The following TRAPPC9 variants were observed in gnomAD, a reference collection of about 807,000 sequenced individuals.
The protein encoded by TRAPPC9 is IKK2 binding protein.
TRAPPC9 carries 83 observed loss-of-function variants against 124.0 expected under a neutral mutation model. That is an observed-to-expected ratio of 0.67 (90% CI 0.56 to 0.80). TRAPPC9 has a LOEUF of 0.80. TRAPPC9 is among the 30% of genes least tolerant of loss of function. TRAPPC9 has a pLI of 0.00. For synonymous variants in TRAPPC9, 638 were observed against 617.5 expected (o/e 1.03, Z -0.49); for missense variants, 1,302 against 1,508.3 (o/e 0.86, Z 2.27).
intron 17 of TRAPPC9, among the ~76,000 whole-genome samples, chr8:140,220,138 A>C (rs62529310): frequency 0.04 from 6,108 of 152,284 alleles, 225 homozygotes; most frequent in African/African-American, 0.1. Context: ...GGCAAGTTGC[A>C]AAACTGATGG....
chr8:139,964,420 C>G (rs1443408445), intron 19 of TRAPPC9, among the ~76,000 whole-genome samples: 1 of 152,024 alleles, frequency 6.6e-6, no homozygotes, highest in Admixed American at 6.6e-5. Flanking sequence ...TAACTCAACA[C>G]TCTCTAAGAA....
Position 140,410,141 on chromosome 8 carries a change from CAAAAAAAAAA to C in TRAPPC9, c.887-4453_887-4444del, listed in dbSNP as rs61149910. 4.2e-3 allele frequency among the ~76,000 whole-genome samples: 297 copies of C among 70,222 alleles called. 3 individuals carry two copies. The highest frequency in any genetic ancestry group is 5.9e-3 in the Middle Eastern group (1 of 170). The allele number at this position is 70,222 out of a possible 152,430, so 46.1% of individuals were successfully genotyped here. On this transcript the variant is annotated intron_variant, in intron 5 of 22. Transcript: ENST00000438773. Reference sequence around the variant, plus strand: ...GGGTGAGGGCATGAGACCTTGTCTCCAAAAAAAAAAAAAAAAAAAAAAAAAAAATAGGAGA... The same window carrying C: ...GGGTGAGGGCATGAGACCTTGTCTCCAAAAAAAAAAAAAAAAAATAGGAGA...
Position 140,397,625 on chromosome 8 carries a change from G to A in TRAPPC9, c.1129C>T (p.Arg377Ter), listed in dbSNP as rs267607136. ...ACAGGTAGACATACACTCACCTGTC[G>A]AAGGTTAATGTAAACTGCATTCTGA... Reference protein sequence around the residue: ...FLQNAVYINLRQLSEEEKIQR... With the variant: ...FLQNAVYINL Residue 377 changes from arginine to a stop codon, truncating the protein, a stop_gained, in exon 7 of 23, where the codon CGA (arginine) becomes TGA (stop). Transcript: ENST00000438773. LOFTEE classifies it high-confidence loss of function. 8 of 1,613,898 alleles carry A rather than the reference G, an allele frequency of 5.0e-6. No homozygotes were observed. Among genetic ancestry groups the A allele is most frequent in the Middle Eastern group, 1.7e-4 (1 of 6,042 alleles).
At chr8:139,888,228 C>T (rs915902037) in intron 20 of TRAPPC9, among the ~76,000 whole-genome samples, 5 of 152,242 alleles carry the variant, frequency 3.3e-5, no homozygotes, top group South Asian at 2.1e-4. Context: ...CTCCTGCCCT[C>T]ACTGGCTCTG....
chr8:140,299,413 G>T (rs757045891), intron 11 of TRAPPC9, among the ~76,000 whole-genome samples: 1 of 152,196 alleles, frequency 6.6e-6, no homozygotes, highest in African/African-American at 2.4e-5. Flanking sequence ...AAAAGGAGCC[G>T]GAATGCCTTC....
At chr8:140,403,035 T>C (rs2069336738) in intron 6 of TRAPPC9, among the ~76,000 whole-genome samples, 1 of 152,232 alleles carries the variant, frequency 6.6e-6, no homozygotes. Flanking sequence ...TATCTCAGCT[T>C]ATCTTAACTA....
At position 140,210,580 on chromosome 8, in the gene TRAPPC9, C is replaced by CT. The variant is rs369275238; in HGVS notation, c.2556+10878dup. 6.4e-4 allele frequency among the ~76,000 whole-genome samples: 97 copies of CT among 152,266 alleles called. 1 individual carries two copies. The South Asian group carries it at 0.016, about 25-fold the overall frequency. ...TTCATCTCCCTCCCTTGCCTAAGCC[C>CT]TTTCTCTCCTGGATTCCCTGTACCC... On this transcript the variant is annotated intron_variant, in intron 17 of 22. Coordinates refer to ENST00000438773, the MANE Select transcript of TRAPPC9 (RefSeq NM_001160372.4).
intron 2 of TRAPPC9, among the ~76,000 whole-genome samples, chr8:140,445,033 TGTCTCTCTA>T (rs1002220119): frequency 6.6e-6 from 1 of 152,144 alleles, no homozygotes; most frequent in African/African-American, 2.4e-5. Flanking sequence ...AACAACCATG[TGTCTCTCTA>T]GTCCACCTCC....
intron 17 of TRAPPC9, among the ~76,000 whole-genome samples, chr8:140,119,569 T>A (rs1377422788): frequency 6.6e-6 from 1 of 152,238 alleles, no homozygotes; most frequent in Non-Finnish European, 1.5e-5. Context: ...AAGATGAATG[T>A]AATCCCTTAA....
At chr8:139,854,134 C>T (rs1315271564) in intron 21 of TRAPPC9, among the ~76,000 whole-genome samples, 1 of 152,170 alleles carries the variant, frequency 6.6e-6, no homozygotes, top group Non-Finnish European at 1.5e-5. Context: ...TCATCACTCT[C>T]TATCTGATTA....
chr8:140,142,775 C>G (rs1254964249), intron 17 of TRAPPC9, among the ~76,000 whole-genome samples: 1 of 152,162 alleles, frequency 6.6e-6, no homozygotes, highest in Non-Finnish European at 1.5e-5. Context: ...GTTTACTGGC[C>G]TAAATAAATT....
chr8:139,956,391 G>C (rs1350618633), intron 19 of TRAPPC9, among the ~76,000 whole-genome samples: 4 of 152,060 alleles, frequency 2.6e-5, no homozygotes, highest in African/African-American at 9.7e-5. Flanking sequence ...TCAAACTCTT[G>C]ACCTTGTGAT....
intron 18 of TRAPPC9, among the ~76,000 whole-genome samples, chr8:140,010,014 T>C (rs1181853755): frequency 2.0e-5 from 3 of 152,228 alleles, no homozygotes. Context: ...CTGTACTCTA[T>C]ACCAAGAATT....
chr8:140,315,073 C>T (rs753530266), intron 9 of TRAPPC9, among the ~76,000 whole-genome samples: 1 of 152,092 alleles, frequency 6.6e-6, no homozygotes, highest in Non-Finnish European at 1.5e-5. Flanking sequence ...GTAAAGAACC[C>T]CTTTTCTTCA....
At chr8:140,308,936 G>A (rs532143520) in intron 10 of TRAPPC9, among the ~76,000 whole-genome samples, 1 of 152,102 alleles carries the variant, frequency 6.6e-6, no homozygotes, top group African/African-American at 2.4e-5. Flanking sequence ...AAGAACAATG[G>A]CACCAGGATG....
At chr8:140,017,633 A>G (rs1260216919) in intron 18 of TRAPPC9, among the ~76,000 whole-genome samples, 1 of 152,116 alleles carries the variant, frequency 6.6e-6, no homozygotes, top group African/African-American at 2.4e-5. Context: ...ATAGCTTTAC[A>G]TTGTCTTAAA....
intron 21 of TRAPPC9, among the ~76,000 whole-genome samples, chr8:139,749,656 G>A (rs1454019250): frequency 6.6e-6 from 1 of 152,152 alleles, no homozygotes; most frequent in Non-Finnish European, 1.5e-5. Context: ...CTCTTGATGT[G>A]GTGACAGCCA....
At chr8:140,297,752 C>T (rs2065852107) in intron 11 of TRAPPC9, among the ~76,000 whole-genome samples, 2 of 152,226 alleles carry the variant, frequency 1.3e-5, no homozygotes, top group South Asian at 4.1e-4. Context: ...GTGTAAGTAA[C>T]CAGGTACCCC....
chr8:140,002,868 GGAAAA>G (rs1838493194), intron 18 of TRAPPC9, among the ~76,000 whole-genome samples: 1 of 92,922 alleles, frequency 1.1e-5, no homozygotes, highest in African/African-American at 4.2e-5. Context: ...AAAAAAAAAA[GGAAAA>G]GAAATTTAAA....
Sources: gnomAD v4.1 joint callset for allele counts (sites outside exome capture counted in the v4.1 genomes callset) on GRCh38, gnomAD v4.1.1 for gene constraint, MANE v1.5 for transcripts, NCBI Gene and HGNC (gene_info 2026-07-23, HGNC 2026-07-21) for gene names.